The following IQCH variants were observed in gnomAD, a reference collection of about 807,000 sequenced individuals.
The protein encoded by IQCH is IQ motif containing H.
Under a neutral mutation model 117.0 loss-of-function variants are expected in IQCH, and 98 were observed. The observed-to-expected ratio is 0.84, with a 90% CI of 0.71 to 0.99. IQCH has a LOEUF of 0.99. Among genes scored for constraint, IQCH ranks in the 50% least tolerant of loss-of-function variants. The probability of loss-of-function intolerance (pLI) is 0.00; values close to 1 mark genes in which losing one functional copy is unlikely to be tolerated. For missense variants in IQCH, 1,102 were observed against 1,243.8 expected, an observed-to-expected ratio of 0.89 and a Z score of 1.72; for synonymous variants, 412 against 448.2, an observed-to-expected ratio of 0.92 and a Z score of 1.02.
chr15:67,321,447 T>TCTTTCCTTC (rs1409205657), intron 4 of IQCH, among the ~76,000 whole-genome samples: 1 of 151,176 alleles, frequency 6.6e-6, no homozygotes, highest in Admixed American at 6.6e-5. Flanking sequence ...TTCTTTTCTT[T>TCTTTCCTTC]CTTTCCTTCC....
chr15:67,261,152 C>A, intron 1 of IQCH, 120 bp from the exon 2 acceptor site: 1 of 614,116 alleles, frequency 1.6e-6, no homozygotes, highest in South Asian at 2.7e-5. Context: ...CAATGAATAC[C>A]ATAAAATCAG....
At chr15:67,330,001 A>G (rs1211153363) in intron 4 of IQCH, among the ~76,000 whole-genome samples, 1 of 152,120 alleles carries the variant, frequency 6.6e-6, no homozygotes, top group Non-Finnish European at 1.5e-5. Flanking sequence ...CAGTTCCACA[A>G]TGTCAGGTCC....
In IQCH at chr15:67,500,447, T is replaced by C; in HGVS notation, c.2971-186T>C. On this transcript the variant is annotated intron_variant, in intron 20 of 20. Coordinates refer to ENST00000335894, the MANE Select transcript of IQCH (RefSeq NM_001031715.3). This position sits in a 1 kb window ranked among gnomAD's most constrained non-coding sequence, Gnocchi z 4.4. ...AATTCTAAAAAGTTTTCCAAATTCT[T>C]ACTCTCAATTTTTTTACTCATTTCA... 6.6e-6 allele frequency among the ~76,000 whole-genome samples: 1 copy of C among 152,210 alleles called. No homozygotes were observed. The highest frequency in any genetic ancestry group is 1.5e-5 in the Non-Finnish European group (1 of 68,028).
chr15:67,421,955 T>C (rs1194978941), intron 16 of IQCH, among the ~76,000 whole-genome samples: 1 of 152,026 alleles, frequency 6.6e-6, no homozygotes, highest in African/African-American at 2.4e-5. Context: ...AAAAATTAGC[T>C]GGGCCTGGTG....
At position 67,301,031 on chromosome 15, in the gene IQCH, G is replaced by A. The variant is rs575022108; in HGVS notation, c.387+21519G>A. ...AATGAGAGTCACATTTGATATATCT[G>A]CTTGTAATTACCATCAAAAGGAAAG... On this transcript the variant is annotated intron_variant, in intron 4 of 20. Transcript: ENST00000335894. 1.1e-4 allele frequency among the ~76,000 whole-genome samples: 17 copies of A among 152,154 alleles called. No individual in the cohort carries two copies. In the East Asian group the frequency reaches 2.7e-3, roughly 24 times the overall value.
At chr15:67,316,125 A>G (rs1967833487) in intron 4 of IQCH, among the ~76,000 whole-genome samples, 1 of 152,098 alleles carries the variant, frequency 6.6e-6, no homozygotes, top group South Asian at 2.1e-4. Context: ...TGGGGACCTA[A>G]CCACTTTAAG....
At chr15:67,412,565 A>G (rs1596328215) in intron 14 of IQCH, among the ~76,000 whole-genome samples, 1 of 151,896 alleles carries the variant, frequency 6.6e-6, no homozygotes, top group East Asian at 1.9e-4. Context: ...CGCCCGGCTA[A>G]TTTTTGTATT....
chr15:67,291,258 C>T (rs748602614), intron 4 of IQCH, among the ~76,000 whole-genome samples: 2 of 152,056 alleles, frequency 1.3e-5, no homozygotes, highest in Admixed American at 6.6e-5. Flanking sequence ...GTCTAAAAAA[C>T]GAGTTCCAAA....
chr15:67,421,936 T>C (rs968466100), intron 16 of IQCH, among the ~76,000 whole-genome samples: 16 of 152,068 alleles, frequency 1.1e-4, no homozygotes, highest in African/African-American at 3.9e-4. Context: ...CTGTCTCTAC[T>C]AAAAATACAA....
intron 16 of IQCH, among the ~76,000 whole-genome samples, chr15:67,460,190 G>C (rs1359216189): frequency 2.0e-5 from 3 of 152,150 alleles, no homozygotes; most frequent in Non-Finnish European, 2.9e-5. Context: ...GTGTGCATTT[G>C]TACCATTTCA....
Position 67,413,849 on chromosome 15 carries a change from A to C in IQCH, c.2098-3082A>C, listed in dbSNP as rs1361479399. Among the ~76,000 whole-genome samples the C allele has an allele frequency of 1.3e-5, 2 of 152,116 alleles. No homozygotes were observed. The highest frequency in any genetic ancestry group is 4.8e-5 in the African/African-American group (2 of 41,424). On this transcript the variant is annotated intron_variant, in intron 14 of 20. Coordinates refer to ENST00000335894, the MANE Select transcript of IQCH (RefSeq NM_001031715.3). This position sits in a 1 kb window ranked among gnomAD's most constrained non-coding sequence, Gnocchi z 5.0. The stretch of plus-strand genomic sequence containing the variant: ...TCCAGCAGCCGACTTTCCTCTAGGA[A>C]ATTTACCTCCTTACTGGGGCTTTGT...
chr15:67,292,597 A>G (rs1055427389), intron 4 of IQCH, among the ~76,000 whole-genome samples: 1 of 152,176 alleles, frequency 6.6e-6, no homozygotes, highest in East Asian at 1.9e-4. Context: ...AAAAAATAAC[A>G]TAAATAACCA....
chr15:67,398,381 A>T (rs1971535461), intron 13 of IQCH, among the ~76,000 whole-genome samples: 1 of 152,206 alleles, frequency 6.6e-6, no homozygotes, highest in South Asian at 2.1e-4. Flanking sequence ...AGGCATATTT[A>T]AAAAACCTTC....
intron 6 of IQCH, among the ~76,000 whole-genome samples, chr15:67,349,847 T>C (rs190517396): frequency 2.0e-5 from 3 of 152,196 alleles, no homozygotes; most frequent in African/African-American, 7.2e-5. Flanking sequence ...ATTAGAGAAA[T>C]GCAAATTAAA....
Position 67,436,349 on chromosome 15 carries a change from G to A in IQCH, c.2505+14772G>A, listed in dbSNP as rs1485777058. On this transcript the variant is annotated intron_variant, in intron 16 of 20. Coordinates refer to ENST00000335894, the MANE Select transcript of IQCH (RefSeq NM_001031715.3). This position sits in a 1 kb window ranked among gnomAD's most constrained non-coding sequence, Gnocchi z 5.1. ...GCTGGAGAAGTTTCTCACTTTACCC[G>A]GAGCTGAGTCAATTTAGAGAGCCAA... 6.6e-6 allele frequency among the ~76,000 whole-genome samples: 1 copy of A among 152,158 alleles called. No individual in the cohort carries two copies.
At chr15:67,325,457 A>G (rs1315789516) in intron 4 of IQCH, among the ~76,000 whole-genome samples, 2 of 152,156 alleles carry the variant, frequency 1.3e-5, no homozygotes, top group African/African-American at 4.8e-5. Flanking sequence ...TTGTTTATGT[A>G]TAGCATTAAT....
chr15:67,276,073 T>C (rs1966109133), intron 3 of IQCH, among the ~76,000 whole-genome samples: 1 of 152,226 alleles, frequency 6.6e-6, no homozygotes, highest in Non-Finnish European at 1.5e-5. Context: ...TATATGTATG[T>C]TATATAGCTA....
In IQCH at chr15:67,293,745, T is replaced by G. The variant is rs112938238; in HGVS notation, c.387+14233T>G. Among the ~76,000 whole-genome samples the G allele has an allele frequency of 1.9e-3, 282 of 152,274 alleles. 1 individual carries two copies. Among genetic ancestry groups the G allele is most frequent in the African/African-American group, 6.6e-3 (274 of 41,570 alleles). On this transcript the variant is annotated intron_variant, in intron 4 of 20. Coordinates refer to ENST00000335894, the MANE Select transcript of IQCH (RefSeq NM_001031715.3). ...GGATGGTCTAACTTGTAAGGTGACA[T>G]GTGAGCACAAATTTGATGGCTCTGA...
Position 67,400,162 on chromosome 15 carries a change from C to A in IQCH, c.1954C>A (p.Arg652Ser). ...GATAACTGATCACCTGCAAATACAG[C>A]GTTGGCTCTTTAAAATGGACTCTGA... is the stretch of plus-strand genomic sequence containing the variant. ...QLITDHLQIQ[R>S]WLFKMDSEFR... The change falls in exon 14 of 21, where the codon CGT (arginine) becomes AGT (serine). Residue 652 changes from arginine to serine, a missense_variant. Physicochemically the swap from Arg to Ser is moderately radical, Grantham distance 110. Around this residue, in one of 2 missense-constraint regions of IQCH, gnomAD observed 650 missense variants for 794.3 expected, o/e 0.82. Coordinates refer to ENST00000335894, the MANE Select transcript of IQCH (RefSeq NM_001031715.3). 6.2e-7 allele frequency: 1 copy of A among 1,613,808 alleles called. No homozygotes were observed. Among genetic ancestry groups the A allele is most frequent in the Non-Finnish European group, 8.5e-7 (1 of 1,179,836 alleles).
Sources: gnomAD v4.1 joint callset for allele counts (sites outside exome capture counted in the v4.1 genomes callset) on GRCh38, gnomAD v4.1.1 for gene constraint, gnomAD v4.1.1 regional missense constraint, Gnocchi (gnomAD v3.1) non-coding constraint, MANE v1.5 for transcripts, NCBI Gene and HGNC (gene_info 2026-07-23, HGNC 2026-07-21) for gene names.